The following MAGI2 variants were observed in gnomAD, a reference collection of about 807,000 sequenced individuals.
The protein encoded by MAGI2 is membrane-associated guanylate kinase, WW and PDZ domain-containing protein 2.
A neutral mutation model predicts 133.3 loss-of-function variants in MAGI2; 35 were observed. The observed-to-expected ratio is 0.26, with a 90% CI of 0.20 to 0.35. The LOEUF is 0.35. Ranked by LOEUF, MAGI2 falls within the 10% of genes least tolerant of loss-of-function variation. The pLI is 1.00. For missense variants in MAGI2, 1,636 were observed against 1,863.4 expected, an observed-to-expected ratio of 0.88 and a Z score of 2.25; for synonymous variants, 729 against 710.6, an observed-to-expected ratio of 1.03 and a Z score of -0.41.
chr7:78,765,065 A>T (rs1471290246), intron 2 of MAGI2, among the ~76,000 whole-genome samples: 1 of 152,164 alleles, frequency 6.6e-6, no homozygotes, highest in Non-Finnish European at 1.5e-5. Flanking sequence ...TGCCAGACTG[A>T]TTCTAAATAC....
intron 17 of MAGI2, among the ~76,000 whole-genome samples, chr7:78,133,872 A>G (rs1821817845): frequency 6.6e-6 from 1 of 152,118 alleles, no homozygotes; most frequent in South Asian, 2.1e-4. Flanking sequence ...GGGTAAGAAA[A>G]GGGAGGTGAT....
At chr7:78,632,847 G>A (rs1363733782) in intron 2 of MAGI2, among the ~76,000 whole-genome samples, 1 of 152,144 alleles carries the variant, frequency 6.6e-6, no homozygotes, top group Non-Finnish European at 1.5e-5. Flanking sequence ...ATTCCTCAAA[G>A]AGCTAAAAAC....
At chr7:78,248,173 T>C (rs1204284549) in intron 10 of MAGI2, among the ~76,000 whole-genome samples, 2 of 152,230 alleles carry the variant, frequency 1.3e-5, no homozygotes, top group East Asian at 1.9e-4. Context: ...GGGGATGATA[T>C]TGAAAGTGCT....
chr7:78,070,586 ATATATATGTGTATATATGTG>A (rs758647800), intron 21 of MAGI2, among the ~76,000 whole-genome samples: 4,540 of 68,024 alleles, frequency 0.067, 113 homozygotes, highest in Middle Eastern at 0.13. Flanking sequence ...ATATATGTGT[ATATATATGTGTATATATGTG>A]TATATATATA....
At chr7:79,134,378 T>A (rs538558131) in intron 1 of MAGI2, among the ~76,000 whole-genome samples, 17 of 152,262 alleles carry the variant, frequency 1.1e-4, no homozygotes, top group African/African-American at 3.6e-4. Context: ...TCAGTAGAAG[T>A]TTTTTACTCC....
At chr7:78,916,056 A>T (rs2151625113) in intron 2 of MAGI2, among the ~76,000 whole-genome samples, 1 of 152,252 alleles carries the variant, frequency 6.6e-6, no homozygotes, top group Admixed American at 6.5e-5. Flanking sequence ...CATAGTTCAC[A>T]TGTGAGCATA....
intron 1 of MAGI2, among the ~76,000 whole-genome samples, chr7:79,059,415 T>G (rs978563557): frequency 2.2e-4 from 33 of 152,168 alleles, no homozygotes; most frequent in Admixed American, 1.6e-3. Flanking sequence ...AAAATAAAAA[T>G]TCTATAATTT....
intron 2 of MAGI2, among the ~76,000 whole-genome samples, chr7:78,922,423 A>G (rs2151637163): frequency 6.7e-6 from 1 of 149,742 alleles, no homozygotes; most frequent in East Asian, 2.0e-4. Context: ...ATTCCCACCT[A>G]TGAGTGAGAA....
intron 2 of MAGI2, among the ~76,000 whole-genome samples, chr7:78,678,303 T>C (rs1460882702): frequency 6.6e-6 from 1 of 152,162 alleles, no homozygotes. Context: ...TCAATACTTA[T>C]GCCCATGGTA....
At chr7:78,644,275 G>C (rs1810612413) in intron 2 of MAGI2, among the ~76,000 whole-genome samples, 1 of 152,040 alleles carries the variant, frequency 6.6e-6, no homozygotes, top group South Asian at 2.1e-4. Context: ...CAAGTAGACA[G>C]AAAATTAGTA....
intron 9 of MAGI2, among the ~76,000 whole-genome samples, chr7:78,303,063 A>T: frequency 6.6e-6 from 1 of 152,098 alleles, no homozygotes; most frequent in East Asian, 1.9e-4. Context: ...TTGAAGAATG[A>T]ATAGGGCTTG....
chr7:78,280,014 C>T (rs1042127099), intron 9 of MAGI2, among the ~76,000 whole-genome samples: 10 of 152,154 alleles, frequency 6.6e-5, no homozygotes, highest in African/African-American at 2.4e-4. Context: ...CTTAATCAAA[C>T]CCAGCTTCAC....
intron 21 of MAGI2, among the ~76,000 whole-genome samples, chr7:78,037,799 A>G (rs533602799): frequency 6.9e-4 from 105 of 152,322 alleles, no homozygotes; most frequent in African/African-American, 2.5e-3. Context: ...AGGATGGCTG[A>G]AAAAAGATCT....
In MAGI2 at chr7:78,705,538, T is replaced by C. The variant is rs761872727; in HGVS notation, c.419-78299A>G. Among the ~76,000 whole-genome samples, 4 of 152,136 alleles carry C rather than the reference T, an allele frequency of 2.6e-5. No individual in the cohort carries two copies. The East Asian group carries it at 7.7e-4, about 29-fold the overall frequency. ...CAGATAACCACTGATTTTCTCCTTA[T>C]TAAATGTATATAAGGACTGCTCAAG... On this transcript the variant is annotated intron_variant, in intron 2 of 21. Transcript: ENST00000354212.
chr7:78,708,606 A>C (rs548223073), intron 2 of MAGI2, among the ~76,000 whole-genome samples: 2 of 152,278 alleles, frequency 1.3e-5, no homozygotes, highest in South Asian at 2.1e-4. Context: ...TAATGGGAGA[A>C]TATGTTTCAA....
chr7:78,961,834 G>A (rs1013928224), intron 2 of MAGI2, among the ~76,000 whole-genome samples: 4 of 151,724 alleles, frequency 2.6e-5, no homozygotes, highest in South Asian at 2.1e-4. Flanking sequence ...TGCGAATATC[G>A]TAGGATGTAC....
intron 2 of MAGI2, among the ~76,000 whole-genome samples, chr7:78,668,993 A>G (rs140535053): frequency 0.014 from 2,050 of 151,802 alleles, 61 homozygotes; most frequent in African/African-American, 0.047. Context: ...TGATACCCTA[A>G]CATCACAATT....
chr7:79,113,646 T>A (rs1314053474), intron 1 of MAGI2, among the ~76,000 whole-genome samples: 1 of 152,190 alleles, frequency 6.6e-6, no homozygotes, highest in Non-Finnish European at 1.5e-5. Context: ...GTGCAATTAG[T>A]CACATCTTAT....
At chr7:79,348,788 C>A (rs1841492016) in intron 1 of MAGI2, among the ~76,000 whole-genome samples, 1 of 151,632 alleles carries the variant, frequency 6.6e-6, no homozygotes, top group Non-Finnish European at 1.5e-5. Context: ...CAAAATATTT[C>A]TAATCTGTTG....
Sources: gnomAD v4.1 joint callset for allele counts (sites outside exome capture counted in the v4.1 genomes callset) on GRCh38, gnomAD v4.1.1 for gene constraint, MANE v1.5 for transcripts, NCBI Gene and HGNC (gene_info 2026-07-23, HGNC 2026-07-21) for gene names.